TTBK1: variants seen among roughly 807,000 people sequenced by gnomAD.
TTBK1 encodes the protein tau tubulin kinase 1, also known as tau-tubulin kinase 1.
TTBK1 carries 34 observed loss-of-function variants against 108.5 expected under a neutral mutation model. The ratio of observed to expected loss-of-function variants is 0.31; its 90% CI spans 0.24 to 0.42. TTBK1 has a LOEUF of 0.42. Among genes scored for constraint, TTBK1 ranks in the 10% least tolerant of loss-of-function variants. The pLI, the probability that TTBK1 is intolerant of heterozygous loss-of-function variation, is 1.00. For missense variants in TTBK1, 1,539 were observed against 1,826.0 expected (o/e 0.84, Z 2.86); for synonymous variants, 809 against 795.1 (o/e 1.02, Z -0.29).
Position 43,257,755 on chromosome 6 carries a change from C to T in TTBK1, c.862-57C>T. The T allele has an allele frequency of 6.4e-7, 1 of 1,560,900 alleles. No homozygotes were observed. The highest frequency in any genetic ancestry group is 8.7e-7 in the Non-Finnish European group (1 of 1,146,942). On this transcript the variant is annotated intron_variant, in intron 9 of 14. Transcript: ENST00000259750. The surrounding 1 kb of genome is among the most constrained non-coding windows in gnomAD (Gnocchi z 4.5). ...CTATGATCCCAGCAACTGCCCCTTC[C>T]TCCTGGCTAGCCCCCGGATCACCTC...
Position 43,282,996 on chromosome 6 carries a change from A to G in TTBK1, c.2256A>G (p.Glu752=), listed in dbSNP as rs925493568. 1.9e-5 allele frequency: 29 copies of G among 1,507,760 alleles called. No homozygotes were observed. Among genetic ancestry groups the G allele is most frequent in the Admixed American group, 9.3e-5 (5 of 53,788 alleles). The allele number at this position is 1,507,760 out of a possible 1,614,324, so 93.4% of individuals were successfully genotyped here. The change falls in exon 14 of 15, where the codon GAA becomes GAG. Residue 752 remains glutamate (E), a synonymous_variant. Transcript: ENST00000259750. This position sits in a 1 kb window ranked among gnomAD's most constrained non-coding sequence, Gnocchi z 5.4. Reference sequence around the variant, plus strand: ...AGGAAGAAGAGGATGAGGAAGAAGAAGAGGAGGAAGAGGAAGAGGAGGAGG... The same window carrying G: ...AGGAAGAAGAGGATGAGGAAGAAGAGGAGGAGGAAGAGGAAGAGGAGGAGG... ...EEEEEEDEEE[E]EEEEEEEEEE...
At chr6:43,281,895 GA>G (rs1283203654) in intron 13 of TTBK1, among the ~76,000 whole-genome samples, 1 of 152,182 alleles carries the variant, frequency 6.6e-6, no homozygotes, top group African/African-American at 2.4e-5. Flanking sequence ...CCAAGGTCCT[GA>G]CCAGGTGGTC....
At chr6:43,272,312 A>G (rs1777855985) in intron 13 of TTBK1, 1 of 985,352 alleles carries the variant, frequency 1.0e-6, no homozygotes, top group African/African-American at 1.7e-5. Flanking sequence ...AGTGACCAGA[A>G]CCCTGAGGTA....
rs1778366275 is a variant in TTBK1, at chr6:43,285,800, C to G, written c.*424C>G. On this transcript the variant is annotated 3_prime_UTR_variant, in exon 15 of 15. Coordinates refer to ENST00000259750, the MANE Select transcript of TTBK1 (RefSeq NM_032538.3). The surrounding 1 kb of genome is among the most constrained non-coding windows in gnomAD (Gnocchi z 4.7). ...CAATCTCTGCCTACACCTCCTGCGG[C>G]GCCTTGCCCTCCTCCGACCCCTTTC... 1 of 155,722 alleles carries G rather than the reference C, an allele frequency of 6.4e-6. No homozygotes were observed. 9.6% of individuals were successfully genotyped at this position (155,722 alleles called of 1,614,324 possible). A position where few individuals can be genotyped will look rare whatever the true frequency, so the allele number is the denominator to read the frequency against.
chr6:43,274,229 C>T (rs1446362114), intron 13 of TTBK1, among the ~76,000 whole-genome samples: 1 of 152,222 alleles, frequency 6.6e-6, no homozygotes, highest in Non-Finnish European at 1.5e-5. Context: ...ACATCCTGAA[C>T]CCAACGATAT....
At position 43,259,279 on chromosome 6, in the gene TTBK1, G is replaced by A. The variant is rs771725094; in HGVS notation, c.1248+10G>A. 13 of 1,543,586 alleles carry A rather than the reference G, an allele frequency of 8.4e-6. No homozygotes were observed. Among genetic ancestry groups the A allele is most frequent in the African/African-American group, 2.7e-5 (2 of 72,890 alleles). On this transcript the variant is annotated intron_variant, in intron 11 of 14. Coordinates refer to ENST00000259750, the MANE Select transcript of TTBK1 (RefSeq NM_032538.3). The surrounding 1 kb of genome is among the most constrained non-coding windows in gnomAD (Gnocchi z 6.7). ...GATCAACATCGGCAAAGTAACTGCC[G>A]CCAGGGCGAAGGGCGTGGGTGGCCT...
Position 43,282,690 on chromosome 6 carries a change from G to C in TTBK1, c.1987-37G>C. ...AAGTCTTCCTGGGCCCAGGAGGGTG[G>C]GTGACCTCAGAGGGTCCCTGTGTAT... is the stretch of plus-strand genomic sequence containing the variant. On this transcript the variant is annotated intron_variant, in intron 13 of 14. Coordinates refer to ENST00000259750, the MANE Select transcript of TTBK1 (RefSeq NM_032538.3). The surrounding 1 kb of genome is among the most constrained non-coding windows in gnomAD (Gnocchi z 5.4). 6.5e-7 allele frequency: 1 copy of C among 1,538,588 alleles called. No individual in the cohort carries two copies. Among genetic ancestry groups the C allele is most frequent in the Non-Finnish European group, 8.8e-7 (1 of 1,136,346 alleles).
At chr6:43,277,419 C>T (rs973558934) in intron 13 of TTBK1, among the ~76,000 whole-genome samples, 1 of 151,814 alleles carries the variant, frequency 6.6e-6, no homozygotes, top group Non-Finnish European at 1.5e-5. Flanking sequence ...AAGAGGAAGG[C>T]CCCCCCATAC....
In TTBK1 at chr6:43,285,682, G is replaced by A. The variant is rs997582370; in HGVS notation, c.*306G>A. Reference sequence around the variant, plus strand: ...CTCACATCAGTCTCTCCGCCCCGGGGAAGGCTCAGCCACTTTTCATCGAGG... The same window carrying A: ...CTCACATCAGTCTCTCCGCCCCGGGAAAGGCTCAGCCACTTTTCATCGAGG... On this transcript the variant is annotated 3_prime_UTR_variant, in exon 15 of 15. Transcript: ENST00000259750. The surrounding 1 kb of genome is among the most constrained non-coding windows in gnomAD (Gnocchi z 4.7). 1.2e-5 allele frequency: 3 copies of A among 242,092 alleles called. No homozygotes were observed. Among genetic ancestry groups the A allele is most frequent in the African/African-American group, 6.8e-5 (3 of 44,196 alleles). The allele number at this position is 242,092 out of a possible 1,614,324, so 15.0% of individuals were successfully genotyped here.
At chr6:43,277,800 T>C (rs965478531) in intron 13 of TTBK1, among the ~76,000 whole-genome samples, 6 of 152,106 alleles carry the variant, frequency 3.9e-5, no homozygotes, top group Non-Finnish European at 8.8e-5. Context: ...AGTGCGGAGC[T>C]GACAGAGGTG....
At chr6:43,248,447 G>A (rs766751003) in intron 2 of TTBK1, among the ~76,000 whole-genome samples, 7 of 152,192 alleles carry the variant, frequency 4.6e-5, no homozygotes, top group Non-Finnish European at 8.8e-5. Flanking sequence ...CGTGGACCAG[G>A]CATGGTGGCC....
chr6:43,261,548 C>T (rs1336644088), intron 12 of TTBK1, among the ~76,000 whole-genome samples: 1 of 152,118 alleles, frequency 6.6e-6, no homozygotes, highest in Non-Finnish European at 1.5e-5. Context: ...GGAACAGTGG[C>T]TCGCGTCTGT....
intron 2 of TTBK1, among the ~76,000 whole-genome samples, chr6:43,251,679 C>T (rs1777243834): frequency 6.6e-6 from 1 of 152,172 alleles, no homozygotes; most frequent in African/African-American, 2.4e-5. Context: ...GCCTTTCTCA[C>T]GCCTGCTTTG....
chr6:43,269,692 T>G lies in TTBK1; in HGVS notation c.1986+6342T>G. ...CACTCCCTCCCGCGGTACAGCCCCCTGCGACGACTGGCGTCCTCCGTGTTC... is the reference window on the plus strand; with the variant it reads ...CACTCCCTCCCGCGGTACAGCCCCCGGCGACGACTGGCGTCCTCCGTGTTC... On this transcript the variant is annotated intron_variant, in intron 13 of 14. Coordinates refer to ENST00000259750, the MANE Select transcript of TTBK1 (RefSeq NM_032538.3). The surrounding 1 kb of genome is among the most constrained non-coding windows in gnomAD (Gnocchi z 4.8). The G allele has an allele frequency of 6.2e-7, 1 of 1,611,072 alleles. No homozygotes were observed.
rs570417235 is a variant in TTBK1 at position 43,270,875 on chromosome 6, C to T, written c.1986+7525C>T. 43 of 985,492 alleles carry T rather than the reference C, an allele frequency of 4.4e-5. No individual in the cohort carries two copies. The African/African-American group carries it at 5.9e-4, about 14-fold the overall frequency. 61.0% of individuals were successfully genotyped at this position (985,492 alleles called of 1,614,324 possible). A position where few individuals can be genotyped will look rare whatever the true frequency, so the allele number is the denominator to read the frequency against. On this transcript the variant is annotated intron_variant, in intron 13 of 14. Coordinates refer to ENST00000259750, the MANE Select transcript of TTBK1 (RefSeq NM_032538.3). ...CCAGTGTCTCAGGACAAATCCCAGGCGGGAGCAGCCCCACCTCTGCCCTTC... is the reference window on the plus strand; with the variant it reads ...CCAGTGTCTCAGGACAAATCCCAGGTGGGAGCAGCCCCACCTCTGCCCTTC...
At chr6:43,272,702 G>A in intron 13 of TTBK1, 2 of 984,934 alleles carry the variant, frequency 2.0e-6, no homozygotes, top group Non-Finnish European at 2.4e-6. Context: ...AGCCACTTGT[G>A]TTGGATTAAG....
rs748877872 is a variant in TTBK1 at position 43,284,138 on chromosome 6, C to T, written c.3398C>T (p.Thr1133Met). Reference sequence around the variant, plus strand: ...TCAGGCACGGGCTCTGAGGAGGACACGCCCGCCTCTGAGCCGGCAGCGGCC... The same window carrying T: ...TCAGGCACGGGCTCTGAGGAGGACATGCCCGCCTCTGAGCCGGCAGCGGCC... ...TLSGTGSEED[T>M]PASEPAAALP... Residue 1133 changes from threonine (T) to methionine (M), a missense_variant, in exon 14 of 15, where the codon ACG (threonine) becomes ATG (methionine). Thr to Met is a moderately conservative substitution (Grantham distance 81, BLOSUM62 -1). Around this residue, in one of 5 missense-constraint regions of TTBK1, gnomAD observed 1,055 missense variants for 1,086.5 expected, o/e 0.97. Coordinates refer to ENST00000259750, the MANE Select transcript of TTBK1 (RefSeq NM_032538.3). 6.7e-5 allele frequency: 104 copies of T among 1,541,636 alleles called. 1 individual carries two copies. In the Admixed American group the frequency reaches 9.0e-4, roughly 13 times the overall value.
chr6:43,262,502 G>A (rs1400557106), intron 12 of TTBK1, among the ~76,000 whole-genome samples: 1 of 152,172 alleles, frequency 6.6e-6, no homozygotes, highest in Admixed American at 6.5e-5. Flanking sequence ...AGAAACCCGA[G>A]TTTATTTTCT....
In TTBK1 at chr6:43,255,542, C is replaced by G; in HGVS notation, c.643-10C>G. On this transcript the variant is annotated splice_polypyrimidine_tract_variant and intron_variant, in intron 7 of 14. Coordinates refer to ENST00000259750, the MANE Select transcript of TTBK1 (RefSeq NM_032538.3). The stretch of plus-strand genomic sequence containing the variant: ...GAGAGCTGCAGGTGACTCCCTCCCC[C>G]CACCTCCAGGAGATGGGCCGCCACG... The G allele has an allele frequency of 2.5e-6, 4 of 1,591,180 alleles. No individual in the cohort carries two copies. Among genetic ancestry groups the G allele is most frequent in the Middle Eastern group, 1.7e-4 (1 of 5,726 alleles).
Sources: gnomAD v4.1 joint callset for allele counts (sites outside exome capture counted in the v4.1 genomes callset) on GRCh38, gnomAD v4.1.1 for gene constraint, gnomAD v4.1.1 regional missense constraint, Gnocchi (gnomAD v3.1) non-coding constraint, MANE v1.5 for transcripts, NCBI Gene and HGNC (gene_info 2026-07-23, HGNC 2026-07-21) for gene names.